Variants in L3MBTL2 observed in about 807,000 individuals in gnomAD.
L3MBTL2 encodes L3MBTL histone methyl-lysine binding protein 2, also known as lethal(3)malignant brain tumor-like protein 2.
A neutral mutation model predicts 86.4 loss-of-function variants in L3MBTL2; 49 were observed. The ratio of observed to expected loss-of-function variants is 0.57; its 90% CI spans 0.45 to 0.72. The LOEUF is 0.72. Among genes scored for constraint, L3MBTL2 ranks in the 30% least tolerant of loss-of-function variants. The probability of loss-of-function intolerance (pLI) is 0.00; values close to 1 mark genes in which losing one functional copy is unlikely to be tolerated. For missense variants in L3MBTL2, 755 were observed against 923.7 expected (o/e 0.82, Z 2.37); for synonymous variants, 336 against 350.6 (o/e 0.96, Z 0.47).
At position 41,224,666 on chromosome 22, in the gene L3MBTL2, G is replaced by T; in HGVS notation, c.1175-59G>T. The T allele has an allele frequency of 2.3e-6, 3 of 1,316,992 alleles. No homozygotes were observed. Among genetic ancestry groups the T allele is most frequent in the Admixed American group, 3.4e-5 (2 of 59,362 alleles). 81.6% of individuals were successfully genotyped at this position (1,316,992 alleles called of 1,614,324 possible). On this transcript the variant is annotated intron_variant, in intron 9 of 16. Transcript: ENST00000216237. The surrounding 1 kb of genome is among the most constrained non-coding windows in gnomAD (Gnocchi z 4.9). ...TTCCCAGGGGAGGCGTGTGGAGATG[G>T]CCCAGGAGCCGCCTCCAACTCCCTT... is the stretch of plus-strand genomic sequence containing the variant.
At chr22:41,217,350 C>A in intron 5 of L3MBTL2, 148 bp downstream of exon 5, 1 of 617,762 alleles carries the variant, frequency 1.6e-6, no homozygotes, top group Non-Finnish European at 2.9e-6. Flanking sequence ...CGCTCCATTT[C>A]ATGTTTATGT....
At chr22:41,228,270 T>G in intron 15 of L3MBTL2, 1 of 985,466 alleles carries the variant, frequency 1.0e-6, no homozygotes, top group Non-Finnish European at 1.2e-6. Context: ...GCTGTCATTC[T>G]TACCTCGAGA....
At chr22:41,223,333 G>T (rs1460403711) in intron 8 of L3MBTL2, among the ~76,000 whole-genome samples, 2 of 152,122 alleles carry the variant, frequency 1.3e-5, no homozygotes, top group African/African-American at 4.8e-5. Flanking sequence ...CCCCAGGCAG[G>T]ACAGCACTGA....
At chr22:41,208,953 G>A (rs1395538623) in intron 1 of L3MBTL2, among the ~76,000 whole-genome samples, 1 of 152,070 alleles carries the variant, frequency 6.6e-6, no homozygotes, top group African/African-American at 2.4e-5. Context: ...ATCTTGGCCA[G>A]GTTGGTCTTG....
chr22:41,219,612 G>T, intron 6 of L3MBTL2, 76 bp downstream of exon 6: 2 of 939,292 alleles, frequency 2.1e-6, no homozygotes, highest in East Asian at 5.0e-5. Flanking sequence ...AGTGTTGTAG[G>T]CAGGAGTTGG....
chr22:41,217,247 T>C, intron 5 of L3MBTL2, 45 bp downstream of exon 5: 1 of 1,472,392 alleles, frequency 6.8e-7, no homozygotes, highest in Admixed American at 1.7e-5. Context: ...GAGCCGGGCC[T>C]GGAGCTGCTC....
intron 15 of L3MBTL2, among the ~76,000 whole-genome samples, chr22:41,228,846 T>TTG (rs1224820726): frequency 4.4e-5 from 5 of 113,150 alleles, no homozygotes; most frequent in Non-Finnish European, 9.2e-5. Flanking sequence ...GGAAACTCCA[T>TTG]CGCACAAAAA....
chr22:41,216,122 T>G lies in L3MBTL2; in HGVS notation c.397-17T>G. On this transcript the variant is annotated splice_polypyrimidine_tract_variant and intron_variant, in intron 3 of 16. Coordinates refer to ENST00000216237, the MANE Select transcript of L3MBTL2 (RefSeq NM_031488.5). ...CCCAGCCGCCAGGCTACACATAGCCTCTGTCCTCCTCTCCAGGGAAAACCA... is the reference window on the plus strand; with the variant it reads ...CCCAGCCGCCAGGCTACACATAGCCGCTGTCCTCCTCTCCAGGGAAAACCA... 6.2e-7 allele frequency: 1 copy of G among 1,607,388 alleles called. No homozygotes were observed.
At chr22:41,222,813 C>T (rs907427869) in intron 8 of L3MBTL2, among the ~76,000 whole-genome samples, 1 of 152,136 alleles carries the variant, frequency 6.6e-6, no homozygotes, top group Non-Finnish European at 1.5e-5. Flanking sequence ...CCAGCTAACT[C>T]AGGAGGCTGA....
intron 15 of L3MBTL2, among the ~76,000 whole-genome samples, chr22:41,228,757 G>A (rs139478): frequency 0.34 from 50,862 of 151,630 alleles, 8,907 homozygotes; most frequent in Middle Eastern, 0.4. Flanking sequence ...GGCTGAGGCA[G>A]GAGAATCACT....
intron 2 of L3MBTL2, among the ~76,000 whole-genome samples, chr22:41,213,212 T>G (rs1364278830): frequency 6.6e-6 from 1 of 152,152 alleles, no homozygotes; most frequent in Non-Finnish European, 1.5e-5. Context: ...AGAGCAAGGC[T>G]CCGTCTCAAA....
Position 41,230,574 on chromosome 22 carries a change from C to T in L3MBTL2, c.*323C>T. The T allele has an allele frequency of 2.9e-6, 1 of 348,546 alleles. No homozygotes were observed. Among genetic ancestry groups the T allele is most frequent in the Non-Finnish European group, 5.3e-6 (1 of 187,376 alleles). The allele number at this position is 348,546 out of a possible 1,614,324, so 21.6% of individuals were successfully genotyped here. On this transcript the variant is annotated 3_prime_UTR_variant, in exon 17 of 17. Coordinates refer to ENST00000216237, the MANE Select transcript of L3MBTL2 (RefSeq NM_031488.5). Reference sequence around the variant, plus strand: ...TCCTTAAGATGGCCTCCCCCCGACCCGCCACGGCCCTCAGTTGCCAGGGAT... The same window carrying T: ...TCCTTAAGATGGCCTCCCCCCGACCTGCCACGGCCCTCAGTTGCCAGGGAT...
intron 8 of L3MBTL2, among the ~76,000 whole-genome samples, chr22:41,223,759 G>A (rs1175424184): frequency 1.3e-5 from 2 of 152,226 alleles, no homozygotes; most frequent in African/African-American, 2.4e-5. Flanking sequence ...GCGTTTTGGT[G>A]GCAAGAAGTG....
intron 4 of L3MBTL2, 47 bp from the exon 5 acceptor site, chr22:41,217,075 TG>T (rs759111777): frequency 2.5e-5 from 38 of 1,510,780 alleles, no homozygotes; most frequent in Non-Finnish European, 3.5e-5. Context: ...GCTCCTGGAG[TG>T]GCTGCTGCGC....
At position 41,227,390 on chromosome 22, in the gene L3MBTL2, C is replaced by T. The variant is rs1371362899; in HGVS notation, c.1822+67C>T. On this transcript the variant is annotated intron_variant, in intron 14 of 16. Coordinates refer to ENST00000216237, the MANE Select transcript of L3MBTL2 (RefSeq NM_031488.5). The surrounding 1 kb of genome is among the most constrained non-coding windows in gnomAD (Gnocchi z 6.0). ...CTCTTCTTTTTTCCTTCTTCCCCCG[C>T]CCCTGTGCCCATCTCCGTTCTTTGG... 1 of 1,435,724 alleles carries T rather than the reference C, an allele frequency of 7.0e-7. No individual in the cohort carries two copies. Among genetic ancestry groups the T allele is most frequent in the Admixed American group, 2.0e-5 (1 of 50,514 alleles). The allele number at this position is 1,435,724 out of a possible 1,614,324, so 88.9% of individuals were successfully genotyped here.
chr22:41,209,526 T>A (rs1236944991), intron 1 of L3MBTL2, 170 bp from the exon 2 acceptor site: 1 of 632,112 alleles, frequency 1.6e-6, no homozygotes, highest in African/African-American at 1.8e-5. Context: ...TTGAATTGCA[T>A]CATGGTGGAG....
At chr22:41,216,626 T>C (rs1217889853) in intron 4 of L3MBTL2, among the ~76,000 whole-genome samples, 1 of 152,156 alleles carries the variant, frequency 6.6e-6, no homozygotes, top group Non-Finnish European at 1.5e-5. Flanking sequence ...GAAAGGAGCC[T>C]CTCTCTGAGT....
In L3MBTL2 at chr22:41,226,700, G is replaced by A. The variant is rs2032206544; in HGVS notation, c.1543G>A (p.Glu515Lys). 1 of 1,613,938 alleles carries A rather than the reference G, an allele frequency of 6.2e-7. No homozygotes were observed. Among genetic ancestry groups the A allele is most frequent in the Admixed American group, 1.7e-5 (1 of 59,966 alleles). Residue 515 changes from glutamate to lysine, a missense_variant, in exon 13 of 17, where the codon GAG becomes AAG. By Grantham distance (56) the Glu-to-Lys change is moderately conservative (BLOSUM62 1). Transcript: ENST00000216237. ...GACTTTCAACTGGGAGAACTACTTG[G>A]AGAAGACCAAGTCGAAAGCCGCTCC... ...AQTFNWENYLEKTKSKAAPSR... is the reference protein window; with the variant it reads ...AQTFNWENYLKKTKSKAAPSR...
At position 41,225,690 on chromosome 22, in the gene L3MBTL2, C is replaced by G; in HGVS notation, c.1357-104C>G. 1.6e-6 allele frequency: 2 copies of G among 1,252,404 alleles called. No homozygotes were observed. Among genetic ancestry groups the G allele is most frequent in the Non-Finnish European group, 2.2e-6 (2 of 903,304 alleles). 77.6% of individuals were successfully genotyped at this position (1,252,404 alleles called of 1,614,324 possible). On this transcript the variant is annotated intron_variant, in intron 11 of 16. Transcript: ENST00000216237. The surrounding 1 kb of genome is among the most constrained non-coding windows in gnomAD (Gnocchi z 4.1). ...CTCCAGGAGGGCCATGCCCTAGATCCGTTTGGATCCATTTGCCTCGTGTCC... is the reference window on the plus strand; with the variant it reads ...CTCCAGGAGGGCCATGCCCTAGATCGGTTTGGATCCATTTGCCTCGTGTCC...
Sources: gnomAD v4.1 joint callset for allele counts (sites outside exome capture counted in the v4.1 genomes callset) on GRCh38, gnomAD v4.1.1 for gene constraint, Gnocchi (gnomAD v3.1) non-coding constraint, MANE v1.5 for transcripts, NCBI Gene and HGNC (gene_info 2026-07-23, HGNC 2026-07-21) for gene names.